The following PDZRN3 variants were observed in gnomAD, a reference collection of about 807,000 sequenced individuals.
PDZRN3 encodes the protein PDZ domain containing ring finger 3, also known as E3 ubiquitin-protein ligase PDZRN3.
In PDZRN3, 38 loss-of-function variants were observed where a neutral mutation model predicts 85.7. The ratio of observed to expected loss-of-function variants is 0.44; its 90% CI spans 0.34 to 0.58. The LOEUF (loss-of-function observed/expected upper bound fraction) is 0.58, where lower values mean the gene tolerates loss of function less well. PDZRN3 is among the 20% of genes least tolerant of loss of function. PDZRN3 has a pLI of 0.01. For missense variants in PDZRN3, 1,629 were observed against 1,506.4 expected (o/e 1.08, Z -1.35); for synonymous variants, 759 against 638.0 (o/e 1.19, Z -2.86).
intron 3 of PDZRN3, among the ~76,000 whole-genome samples, chr3:73,561,770 T>C (rs1701821320): frequency 6.6e-6 from 1 of 152,126 alleles, no homozygotes; most frequent in African/African-American, 2.4e-5. Context: ...AGGCACGTGT[T>C]TGGGCCAGAA....
chr3:73,615,555 A>G (rs1702748682), intron 1 of PDZRN3, among the ~76,000 whole-genome samples: 2 of 152,178 alleles, frequency 1.3e-5, no homozygotes, highest in Non-Finnish European at 2.9e-5. Flanking sequence ...AAGGGGCCCA[A>G]GAGAGAAACC....
intron 3 of PDZRN3, among the ~76,000 whole-genome samples, chr3:73,449,398 C>T (rs556639027): frequency 2.6e-5 from 4 of 151,980 alleles, no homozygotes; most frequent in South Asian, 2.1e-4. Flanking sequence ...GAAATAAAAA[C>T]CTGCCTGGTG....
At chr3:73,436,097 A>C (rs1221708916) in intron 3 of PDZRN3, among the ~76,000 whole-genome samples, 1 of 152,132 alleles carries the variant, frequency 6.6e-6, no homozygotes, top group Non-Finnish European at 1.5e-5. Flanking sequence ...GCCTCCTTAG[A>C]AAAGCCTTTG....
intron 3 of PDZRN3, among the ~76,000 whole-genome samples, chr3:73,590,376 T>C (rs1702340377): frequency 6.6e-6 from 1 of 150,972 alleles, no homozygotes; most frequent in African/African-American, 2.4e-5. Context: ...AAAATGCAAA[T>C]ACCAAGGTTT....
intron 5 of PDZRN3, among the ~76,000 whole-genome samples, chr3:73,396,576 T>C (rs957409948): frequency 6.6e-6 from 1 of 152,226 alleles, no homozygotes; most frequent in Non-Finnish European, 1.5e-5. Flanking sequence ...CCTTCTGATA[T>C]ACTTAGCTTC....
chr3:73,468,456 CTT>C (rs894959038), intron 3 of PDZRN3, among the ~76,000 whole-genome samples: 2 of 141,856 alleles, frequency 1.4e-5, no homozygotes, highest in Non-Finnish European at 3.0e-5. Context: ...TTTTTTTTTT[CTT>C]TGAGTCAATT....
intron 3 of PDZRN3, among the ~76,000 whole-genome samples, chr3:73,500,470 T>A (rs539051940): frequency 3.3e-5 from 5 of 152,158 alleles, no homozygotes; most frequent in African/African-American, 4.8e-5. Context: ...ACATTTCACT[T>A]TGGGCCCTGA....
intron 3 of PDZRN3, among the ~76,000 whole-genome samples, chr3:73,441,015 G>A (rs910900039): frequency 5.9e-5 from 9 of 152,130 alleles, no homozygotes; most frequent in Non-Finnish European, 1.2e-4. Context: ...TGCAGGGGTC[G>A]GCAAACTTTT....
At chr3:73,403,449 A>T (rs772732466) in intron 4 of PDZRN3, among the ~76,000 whole-genome samples, 2 of 152,226 alleles carry the variant, frequency 1.3e-5, no homozygotes, top group South Asian at 4.1e-4. Flanking sequence ...TCCTTCAATG[A>T]TAAGAGATTG....
At chr3:73,460,376 T>A (rs978500615) in intron 3 of PDZRN3, among the ~76,000 whole-genome samples, 52 of 152,330 alleles carry the variant, frequency 3.4e-4, no homozygotes, top group African/African-American at 1.2e-3. Context: ...TTACTCTCCA[T>A]CATGATGGCT....
intron 3 of PDZRN3, among the ~76,000 whole-genome samples, chr3:73,468,425 C>T (rs1410533972): frequency 6.6e-6 from 1 of 152,054 alleles, no homozygotes; most frequent in Non-Finnish European, 1.5e-5. Flanking sequence ...TCTCCATGCC[C>T]CAAATACAGT....
At chr3:73,586,319 G>C (rs1348890154) in intron 3 of PDZRN3, among the ~76,000 whole-genome samples, 1 of 152,102 alleles carries the variant, frequency 6.6e-6, no homozygotes. Flanking sequence ...AGGTGTTGTC[G>C]AAGTATCAAA....
intron 3 of PDZRN3, among the ~76,000 whole-genome samples, chr3:73,423,131 T>C (rs771204661): frequency 1.3e-5 from 2 of 152,214 alleles, no homozygotes; most frequent in African/African-American, 2.4e-5. Flanking sequence ...TGAGGGGAAA[T>C]AGCTGCTGCT....
At chr3:73,469,286 C>T (rs369168560) in intron 3 of PDZRN3, among the ~76,000 whole-genome samples, 40 of 151,982 alleles carry the variant, frequency 2.6e-4, no homozygotes, top group African/African-American at 6.3e-4. Flanking sequence ...TTGGCCAGGC[C>T]GGTCTTGAAC....
At chr3:73,498,348 G>A (rs1481910531) in intron 3 of PDZRN3, among the ~76,000 whole-genome samples, 1 of 152,156 alleles carries the variant, frequency 6.6e-6, no homozygotes, top group African/African-American at 2.4e-5. Context: ...TTGGGGGACA[G>A]TTGGTAGTAT....
chr3:73,446,193 C>CTT (rs138140917), intron 3 of PDZRN3, among the ~76,000 whole-genome samples: 3,638 of 152,322 alleles, frequency 0.024, 65 homozygotes, highest in Non-Finnish European at 0.038. Flanking sequence ...CGTCAGCACT[C>CTT]TGAGTTCTGC....
intron 3 of PDZRN3, among the ~76,000 whole-genome samples, chr3:73,583,949 C>G (rs77742474): frequency 6.6e-6 from 1 of 152,110 alleles, no homozygotes; most frequent in African/African-American, 2.4e-5. Context: ...ATGAAAATGG[C>G]ATTTTAGTTT....
At chr3:73,509,497 T>A (rs1704125542) in intron 3 of PDZRN3, among the ~76,000 whole-genome samples, 1 of 152,190 alleles carries the variant, frequency 6.6e-6, no homozygotes, top group South Asian at 2.1e-4. Flanking sequence ...TTGAAAGAGA[T>A]GGTGGCTCAT....
chr3:73,599,152 T>C (rs1394514958), intron 3 of PDZRN3, among the ~76,000 whole-genome samples: 1 of 152,124 alleles, frequency 6.6e-6, no homozygotes, highest in Non-Finnish European at 1.5e-5. Flanking sequence ...TACACCCACA[T>C]CCACAGCAGC....
Sources: allele counts gnomAD v4.1 joint callset (sites outside exome capture counted in the v4.1 genomes callset), GRCh38; gene constraint gnomAD v4.1.1; transcripts MANE v1.5; gene names NCBI Gene and HGNC (gene_info 2026-07-23, HGNC 2026-07-21).